Variants in L3MBTL3 observed in about 807,000 individuals in gnomAD.
The protein encoded by L3MBTL3 is L3MBTL histone methyl-lysine binding protein 3.
L3MBTL3 carries 27 observed loss-of-function variants against 102.3 expected under a neutral mutation model. That is an observed-to-expected ratio of 0.26 (90% CI 0.19 to 0.36). L3MBTL3 has a LOEUF of 0.36. Ranked by LOEUF, L3MBTL3 falls within the 10% of genes least tolerant of loss-of-function variation. L3MBTL3 has a pLI of 1.00. For missense variants in L3MBTL3, 798 were observed against 955.3 expected (o/e 0.84, Z 2.17); for synonymous variants, 340 against 320.9 (o/e 1.06, Z -0.64).
intron 7 of L3MBTL3, among the ~76,000 whole-genome samples, chr6:130,053,935 AG>A (rs1370876619): frequency 1.3e-5 from 2 of 152,194 alleles, no homozygotes; most frequent in Non-Finnish European, 2.9e-5. Flanking sequence ...ATTCTTGTTT[AG>A]GGGGTAGTTA....
chr6:130,023,359 A>G (rs1286424939), intron 2 of L3MBTL3, among the ~76,000 whole-genome samples: 1 of 152,338 alleles, frequency 6.6e-6, no homozygotes, highest in African/African-American at 2.4e-5. Flanking sequence ...GTGGATATGC[A>G]GCAGAGACAA....
At chr6:130,057,530 G>A in intron 9 of L3MBTL3, 33 bp downstream of exon 9, 1 of 1,517,364 alleles carries the variant, frequency 6.6e-7, no homozygotes, top group Non-Finnish European at 9.0e-7. Flanking sequence ...GATCTGTAAG[G>A]GCGCAGGAGC....
chr6:130,120,642 T>C (rs890763282), intron 19 of L3MBTL3, among the ~76,000 whole-genome samples: 3 of 152,244 alleles, frequency 2.0e-5, no homozygotes, highest in Non-Finnish European at 4.4e-5. Flanking sequence ...TAGTTCATTT[T>C]ATTATCTTTA....
intron 11 of L3MBTL3, 62 bp downstream of exon 11, chr6:130,066,550 A>G (rs892264794): frequency 1.4e-6 from 2 of 1,412,312 alleles, no homozygotes; most frequent in Non-Finnish European, 2.0e-6. Flanking sequence ...TACATGCTAC[A>G]TTAGAATTGT....
chr6:130,121,534 CTG>C (rs1356113859), intron 20 of L3MBTL3, among the ~76,000 whole-genome samples: 1 of 152,002 alleles, frequency 6.6e-6, no homozygotes, highest in African/African-American at 2.4e-5. Context: ...CATTTATGGT[CTG>C]TATTAACAGT....
chr6:130,096,140 C>T (rs960767321), intron 18 of L3MBTL3, among the ~76,000 whole-genome samples: 2 of 152,024 alleles, frequency 1.3e-5, no homozygotes, highest in Non-Finnish European at 2.9e-5. Flanking sequence ...GGTGAGGCCA[C>T]GGGGGGTACT....
At chr6:130,070,239 C>G (rs928299420) in intron 12 of L3MBTL3, among the ~76,000 whole-genome samples, 6 of 152,118 alleles carry the variant, frequency 3.9e-5, no homozygotes, top group Non-Finnish European at 7.4e-5. Flanking sequence ...TTATTCCTCA[C>G]AAAAGATTGT....
chr6:130,054,060 C>T (rs960288917), intron 7 of L3MBTL3, among the ~76,000 whole-genome samples: 1 of 152,128 alleles, frequency 6.6e-6, no homozygotes, highest in African/African-American at 2.4e-5. Flanking sequence ...TCAGGGAGCC[C>T]TCTCAAAGAC....
At chr6:130,101,913 C>T (rs1220283546) in intron 18 of L3MBTL3, among the ~76,000 whole-genome samples, 2 of 152,172 alleles carry the variant, frequency 1.3e-5, no homozygotes, top group Non-Finnish European at 2.9e-5. Flanking sequence ...TAAATGAATA[C>T]AATGAAATAC....
chr6:130,119,322 A>G (rs1001434047), intron 19 of L3MBTL3, among the ~76,000 whole-genome samples: 4 of 152,304 alleles, frequency 2.6e-5, no homozygotes, highest in Admixed American at 2.6e-4. Context: ...TGTTGACCAC[A>G]ATACTTTCTG....
chr6:130,124,491 C>T (rs1786460877), intron 20 of L3MBTL3, among the ~76,000 whole-genome samples: 2 of 152,130 alleles, frequency 1.3e-5, no homozygotes, highest in South Asian at 4.1e-4. Flanking sequence ...TTAAATTCTG[C>T]CTTCTTTTGT....
intron 12 of L3MBTL3, 84 bp from the exon 13 acceptor site, chr6:130,070,892 T>C: frequency 4.0e-6 from 4 of 990,928 alleles, no homozygotes; most frequent in Non-Finnish European, 5.7e-6. Context: ...TGCTGGGCCT[T>C]TGAGCAGGAG....
intron 20 of L3MBTL3, among the ~76,000 whole-genome samples, chr6:130,129,979 A>G (rs1222309704): frequency 6.6e-6 from 1 of 152,212 alleles, no homozygotes; most frequent in Non-Finnish European, 1.5e-5. Context: ...TTCCTTTTGG[A>G]TTAAAATCAT....
At chr6:130,049,734 A>T (rs1236438615) in intron 4 of L3MBTL3, 22 bp from the exon 5 acceptor site, 1 of 1,612,970 alleles carries the variant, frequency 6.2e-7, no homozygotes, top group Non-Finnish European at 8.5e-7. Context: ...TATGCTGATG[A>T]CTCCTAAATC....
At chr6:130,101,257 G>A (rs1293093641) in intron 18 of L3MBTL3, among the ~76,000 whole-genome samples, 7 of 152,104 alleles carry the variant, frequency 4.6e-5, no homozygotes, top group African/African-American at 1.4e-4. Context: ...TTTATCTTTT[G>A]GGAGAGTGAA....
At chr6:130,115,652 C>T (rs943640650) in intron 19 of L3MBTL3, among the ~76,000 whole-genome samples, 6 of 152,068 alleles carry the variant, frequency 3.9e-5, no homozygotes, top group Non-Finnish European at 8.8e-5. Flanking sequence ...TAAAAAGTGA[C>T]ACATAATTAC....
chr6:130,056,118 G>A (rs1448781147), intron 8 of L3MBTL3, among the ~76,000 whole-genome samples: 2 of 152,024 alleles, frequency 1.3e-5, no homozygotes, highest in African/African-American at 2.4e-5. Flanking sequence ...AGTAGAGATG[G>A]GGTTTCATCA....
At chr6:130,107,891 T>C (rs1014384691) in intron 19 of L3MBTL3, among the ~76,000 whole-genome samples, 1 of 152,208 alleles carries the variant, frequency 6.6e-6, no homozygotes, top group African/African-American at 2.4e-5. Context: ...AAGCTCTTAA[T>C]GTAGCTCTGA....
At chr6:130,031,336 G>A (rs1779710483) in intron 2 of L3MBTL3, among the ~76,000 whole-genome samples, 1 of 152,166 alleles carries the variant, frequency 6.6e-6, no homozygotes, top group Non-Finnish European at 1.5e-5. Context: ...TTACTTTCAT[G>A]TTATTTTCTG....
Sources: gnomAD v4.1 joint callset for allele counts (sites outside exome capture counted in the v4.1 genomes callset) on GRCh38, gnomAD v4.1.1 for gene constraint, MANE v1.5 for transcripts, NCBI Gene and HGNC (gene_info 2026-07-23, HGNC 2026-07-21) for gene names.